The following RASA1 variants were observed in gnomAD, a reference collection of about 807,000 sequenced individuals.
RASA1 encodes the protein ras GTPase-activating protein 1.
In RASA1, 25 loss-of-function variants were observed where a neutral mutation model predicts 132.2. The observed-to-expected ratio is 0.19, with a 90% CI of 0.14 to 0.26. The LOEUF (loss-of-function observed/expected upper bound fraction) is 0.26, where lower values mean the gene tolerates loss of function less well. RASA1 is among the 10% of genes least tolerant of loss of function. The pLI is 1.00. For synonymous variants in RASA1, 477 were observed against 449.9 expected (o/e 1.06, Z -0.76); for missense variants, 964 against 1,299.2 (o/e 0.74, Z 3.97).
intron 7 of RASA1, 113 bp downstream of exon 7, chr5:87,346,837 A>G: frequency 2.7e-6 from 2 of 748,808 alleles, no homozygotes; most frequent in Non-Finnish European, 4.5e-6. Context: ...TATGCATGTT[A>G]TAATTTCGTG....
intron 1 of RASA1, among the ~76,000 whole-genome samples, chr5:87,323,407 T>C (rs1234356991): frequency 6.6e-6 from 1 of 152,164 alleles, no homozygotes; most frequent in African/African-American, 2.4e-5. Flanking sequence ...TGGAGAACTT[T>C]TGAGGGAGAG....
chr5:87,301,091 G>C (rs1755338635), intron 1 of RASA1, among the ~76,000 whole-genome samples: 1 of 152,174 alleles, frequency 6.6e-6, no homozygotes, highest in Non-Finnish European at 1.5e-5. Flanking sequence ...CAGTATTGGG[G>C]GGTTAAGGGA....
chr5:87,291,407 T>C (rs572818687), intron 1 of RASA1, among the ~76,000 whole-genome samples: 1 of 152,210 alleles, frequency 6.6e-6, no homozygotes, highest in East Asian at 1.9e-4. Flanking sequence ...TCAGCACACC[T>C]GTGGTTCCAG....
intron 10 of RASA1, 38 bp downstream of exon 10, chr5:87,362,709 G>A (rs2112457651): frequency 1.9e-6 from 3 of 1,588,198 alleles, no homozygotes; most frequent in Non-Finnish European, 8.6e-7. Flanking sequence ...ATTTGATAGA[G>A]ACGTTGTAAA....
intron 1 of RASA1, among the ~76,000 whole-genome samples, chr5:87,274,321 C>T (rs1163083889): frequency 6.6e-6 from 1 of 152,094 alleles, no homozygotes; most frequent in East Asian, 1.9e-4. Context: ...ATTTTACTGT[C>T]TCTACAAAAA....
chr5:87,337,409 A>G (rs986642419), intron 4 of RASA1, among the ~76,000 whole-genome samples: 2 of 152,090 alleles, frequency 1.3e-5, no homozygotes, highest in Non-Finnish European at 2.9e-5. Context: ...CCATTGGATA[A>G]TGGGTATCTG....
chr5:87,321,827 C>T (rs1756835576), intron 1 of RASA1, among the ~76,000 whole-genome samples: 1 of 152,126 alleles, frequency 6.6e-6, no homozygotes, highest in African/African-American at 2.4e-5. Context: ...ATGGGAAGAC[C>T]CCCCATAGGA....
At chr5:87,340,996 C>T (rs1758395259) in intron 5 of RASA1, among the ~76,000 whole-genome samples, 1 of 151,438 alleles carries the variant, frequency 6.6e-6, no homozygotes, top group East Asian at 1.9e-4. Flanking sequence ...ATGTAGGGCA[C>T]AGCTGCTGTT....
chr5:87,318,988 C>T (rs926116627), intron 1 of RASA1: 3 of 152,314 alleles, frequency 2.0e-5, no homozygotes, highest in African/African-American at 7.2e-5. Flanking sequence ...GGAGAAATAG[C>T]CAAAACAAAT....
At chr5:87,324,623 TGAGATA>T (rs767745848) in intron 1 of RASA1, among the ~76,000 whole-genome samples, 7 of 152,230 alleles carry the variant, frequency 4.6e-5, no homozygotes, top group Non-Finnish European at 7.3e-5. Flanking sequence ...TAACTTGATC[TGAGATA>T]AATACATACA....
chr5:87,380,914 A>G (rs1332617748), intron 20 of RASA1, among the ~76,000 whole-genome samples: 5 of 152,194 alleles, frequency 3.3e-5, no homozygotes, highest in South Asian at 2.1e-4. Context: ...ATACACACAC[A>G]TTGATTGGCA....
At chr5:87,291,743 A>G (rs889111205) in intron 1 of RASA1, among the ~76,000 whole-genome samples, 42 of 152,094 alleles carry the variant, frequency 2.8e-4, no homozygotes, top group African/African-American at 9.7e-4. Flanking sequence ...ATCATGTGAT[A>G]TGTTTGTTCC....
At chr5:87,331,208 G>A in intron 1 of RASA1, 140 bp from the exon 2 acceptor site, 1 of 1,039,164 alleles carries the variant, frequency 9.6e-7, no homozygotes, top group Non-Finnish European at 1.5e-6. Context: ...GTTAAAATTG[G>A]AATAACTGGT....
At chr5:87,338,501 T>TCA (rs1758145773) in intron 5 of RASA1, among the ~76,000 whole-genome samples, 1 of 75,682 alleles carries the variant, frequency 1.3e-5, no homozygotes, top group Non-Finnish European at 2.5e-5. Flanking sequence ...CCAGCTAATT[T>TCA]TATATATATA....
intron 24 of RASA1, 36 bp from the exon 25 acceptor site, chr5:87,390,764 T>A: frequency 6.4e-7 from 1 of 1,556,770 alleles, no homozygotes. Context: ...CTGACCGAGC[T>A]TTCATTTATT....
chr5:87,306,252 TGTG>T (rs1425160454), intron 1 of RASA1, among the ~76,000 whole-genome samples: 3 of 152,004 alleles, frequency 2.0e-5, no homozygotes, highest in East Asian at 1.9e-4. Flanking sequence ...ATAAAGAAAA[TGTG>T]GTACATATAT....
At chr5:87,372,245 C>T (rs1761002359) in intron 13 of RASA1, 50 bp downstream of exon 13, 1 of 1,517,256 alleles carries the variant, frequency 6.6e-7, no homozygotes. Context: ...TGCTCTAACA[C>T]TTTGCTCTTT....
rs548410947 is a variant in RASA1, at chr5:87,285,618, CT to C, written c.539+16645del. 3.1e-3 allele frequency among the ~76,000 whole-genome samples: 390 copies of C among 126,028 alleles called. 1 individual carries two copies. The highest frequency in any genetic ancestry group is 7.1e-3 in the African/African-American group (240 of 33,960). The allele number at this position is 126,028 out of a possible 152,430, so 82.7% of individuals were successfully genotyped here. On this transcript the variant is annotated intron_variant, in intron 1 of 24. Coordinates refer to ENST00000274376, the MANE Select transcript of RASA1 (RefSeq NM_002890.3). ...TTTCAGTCAGTCTCTTTTTCTTTTT[CT>C]TTTTTTTTTTTTTTTTGAGACAAAG...
chr5:87,305,409 A>T (rs563551698), intron 1 of RASA1, among the ~76,000 whole-genome samples: 1 of 152,316 alleles, frequency 6.6e-6, no homozygotes, highest in South Asian at 2.1e-4. Context: ...AAGGACTATT[A>T]AATGGTGCTG....
Sources: gnomAD v4.1 joint callset for allele counts (sites outside exome capture counted in the v4.1 genomes callset) on GRCh38, gnomAD v4.1.1 for gene constraint, MANE v1.5 for transcripts, NCBI Gene and HGNC (gene_info 2026-07-23, HGNC 2026-07-21) for gene names.